Variants in FAT3 observed in about 807,000 individuals in gnomAD.
FAT3 encodes protocadherin Fat 3.
A neutral mutation model predicts 310.2 loss-of-function variants in FAT3; 95 were observed. The observed-to-expected ratio is 0.31, with a 90% CI of 0.26 to 0.36. The LOEUF (loss-of-function observed/expected upper bound fraction) is 0.36, where lower values mean the gene tolerates loss of function less well. Ranked by LOEUF, FAT3 falls within the 10% of genes least tolerant of loss-of-function variation. The pLI, the probability that FAT3 is intolerant of heterozygous loss-of-function variation, is 1.00. For missense variants in FAT3, 5,408 were observed against 5,715.6 expected (o/e 0.95, Z 1.74); for synonymous variants, 2,314 against 2,192.9 (o/e 1.06, Z -1.54).
chr11:92,803,658 G>A (rs185952026), intron 10 of FAT3, among the ~76,000 whole-genome samples: 51 of 152,252 alleles, frequency 3.3e-4, no homozygotes, highest in African/African-American at 1.2e-3. Flanking sequence ...AGGATGTGTG[G>A]CAGCATCCCT....
At chr11:92,371,576 G>A (rs1229646284) in intron 2 of FAT3, among the ~76,000 whole-genome samples, 5 of 152,182 alleles carry the variant, frequency 3.3e-5, no homozygotes, top group African/African-American at 1.2e-4. Context: ...AATCAGCCGA[G>A]TGTGGTGGCG....
intron 2 of FAT3, among the ~76,000 whole-genome samples, chr11:92,496,730 C>T (rs989754265): frequency 1.3e-5 from 2 of 151,950 alleles, no homozygotes; most frequent in African/African-American, 2.4e-5. Context: ...AGGAATGATG[C>T]CTGCAGCCCC....
chr11:92,692,168 C>T (rs1449620592), intron 3 of FAT3, among the ~76,000 whole-genome samples: 1 of 152,104 alleles, frequency 6.6e-6, no homozygotes, highest in Non-Finnish European at 1.5e-5. Flanking sequence ...CTCCAAAAAA[C>T]AGGAAAACAT....
At chr11:92,454,702 A>G (rs1951451984) in intron 2 of FAT3, among the ~76,000 whole-genome samples, 1 of 152,178 alleles carries the variant, frequency 6.6e-6, no homozygotes, top group Non-Finnish European at 1.5e-5. Context: ...TGGCTGAAAA[A>G]TATTGAGACT....
chr11:92,376,787 C>T (rs1949359817), intron 2 of FAT3, among the ~76,000 whole-genome samples: 1 of 152,092 alleles, frequency 6.6e-6, no homozygotes, highest in Non-Finnish European at 1.5e-5. Flanking sequence ...CTGAGTTGCT[C>T]AGATTTGGCA....
At position 92,311,507 on chromosome 11, in the gene FAT3, G is replaced by A. The variant is rs188441752; in HGVS notation, c.-17-40589G>A. Among the ~76,000 whole-genome samples the A allele has an allele frequency of 1.8e-4, 27 of 152,228 alleles. 1 individual carries two copies. The East Asian group carries it at 4.1e-3, about 23-fold the overall frequency. ...TAAGTCACCTTATTTTATTTATTACGTTATAGAATTTGCTCCAAAGAGCAT... is the reference window on the plus strand; with the variant it reads ...TAAGTCACCTTATTTTATTTATTACATTATAGAATTTGCTCCAAAGAGCAT... On this transcript the variant is annotated intron_variant, in intron 1 of 27. Transcript: ENST00000525166.
At position 92,353,222 on chromosome 11, in the gene FAT3, C is replaced by T; in HGVS notation, c.1110C>T (p.Asp370=). 6.2e-7 allele frequency: 1 copy of T among 1,613,784 alleles called. No homozygotes were observed. Among genetic ancestry groups the T allele is most frequent in the Non-Finnish European group, 8.5e-7 (1 of 1,179,870 alleles). Residue 370 remains aspartate, a synonymous_variant, in exon 2 of 28, where the codon GAC becomes GAT. Coordinates refer to ENST00000525166, the MANE Select transcript of FAT3 (RefSeq NM_001367949.2). ...TCTACATTGGCAACCCCACAAGAGACACTGTCCCCATTAGATTTGAAAAAG... is the reference window on the plus strand; with the variant it reads ...TCTACATTGGCAACCCCACAAGAGATACTGTCCCCATTAGATTTGAAAAAG... The part of the protein sequence containing the change: ...KAVYIGNPTR[D]TVPIRFEKEV...
chr11:92,507,480 T>G (rs910992424), intron 2 of FAT3, among the ~76,000 whole-genome samples: 4 of 151,704 alleles, frequency 2.6e-5, no homozygotes, highest in East Asian at 1.9e-4. Context: ...TGTGTGGGGG[T>G]GTGTGTATAT....
At chr11:92,865,033 C>T (rs555198372) in intron 21 of FAT3, among the ~76,000 whole-genome samples, 1 of 152,172 alleles carries the variant, frequency 6.6e-6, no homozygotes, top group Non-Finnish European at 1.5e-5. Context: ...CCCAGAGGGG[C>T]CAGACCATTC....
chr11:92,352,295 C>A lies in FAT3; in HGVS notation c.183C>A (p.Tyr61Ter), dbSNP rs571950614. 6.7e-7 allele frequency: 1 copy of A among 1,497,630 alleles called. No homozygotes were observed. 92.8% of individuals were successfully genotyped at this position (1,497,630 alleles called of 1,614,324 possible). The change falls in exon 2 of 28, where the codon TAC becomes TAA. Residue 61 changes from tyrosine (Y) to a stop codon, truncating the protein, a stop_gained. Coordinates refer to ENST00000525166, the MANE Select transcript of FAT3 (RefSeq NM_001367949.2). LOFTEE classifies it high-confidence loss of function. Reference protein sequence around the residue: ...TVYENSAARTYVNSQSRMGIT... With the variant: ...TVYENSAART ...ATGAGAACTCAGCAGCAAGGACCTA[C>A]GTCAACAGCCAGAGTAGAATGGGCA...
intron 9 of FAT3, among the ~76,000 whole-genome samples, chr11:92,797,598 A>G (rs1947209139): frequency 6.6e-6 from 1 of 152,156 alleles, no homozygotes; most frequent in Non-Finnish European, 1.5e-5. Flanking sequence ...TGTGTTTTTA[A>G]CCTGGATCTA....
At chr11:92,284,904 C>G (rs1946520653) in intron 1 of FAT3, among the ~76,000 whole-genome samples, 1 of 152,056 alleles carries the variant, frequency 6.6e-6, no homozygotes, top group South Asian at 2.1e-4. Flanking sequence ...GAAATATAGC[C>G]AAAGATACTA....
At chr11:92,562,970 A>C (rs1272512725) in intron 3 of FAT3, among the ~76,000 whole-genome samples, 1 of 152,206 alleles carries the variant, frequency 6.6e-6, no homozygotes, top group African/African-American at 2.4e-5. Context: ...CTATCTGGGC[A>C]CCCTTTAGCC....
intron 1 of FAT3, among the ~76,000 whole-genome samples, chr11:92,338,052 G>C (rs1948139947): frequency 6.6e-6 from 1 of 152,092 alleles, no homozygotes; most frequent in South Asian, 2.1e-4. Flanking sequence ...TGAACTCCTT[G>C]GGTGGAATAG....
At chr11:92,773,198 A>G (rs1946502089) in intron 6 of FAT3, among the ~76,000 whole-genome samples, 1 of 152,210 alleles carries the variant, frequency 6.6e-6, no homozygotes, top group Non-Finnish European at 1.5e-5. Flanking sequence ...TGGTTCCCAG[A>G]GGTAGAAACA....
chr11:92,785,522 A>G (rs1946867416), intron 7 of FAT3, among the ~76,000 whole-genome samples: 2 of 152,190 alleles, frequency 1.3e-5, no homozygotes, highest in Admixed American at 1.3e-4. Context: ...TAGGAAAATA[A>G]CAGGTTAAAA....
At chr11:92,372,465 A>T (rs1209950689) in intron 2 of FAT3, among the ~76,000 whole-genome samples, 1 of 151,884 alleles carries the variant, frequency 6.6e-6, no homozygotes, top group African/African-American at 2.4e-5. Flanking sequence ...AAAACAAAAC[A>T]AAGCCCATAA....
intron 13 of FAT3, among the ~76,000 whole-genome samples, chr11:92,812,208 A>G (rs954816035): frequency 6.6e-6 from 1 of 152,180 alleles, no homozygotes; most frequent in Non-Finnish European, 1.5e-5. Context: ...GCTGTGCACT[A>G]AGATTACCAG....
At chr11:92,281,551 A>G (rs1025684074) in intron 1 of FAT3, among the ~76,000 whole-genome samples, 1 of 152,108 alleles carries the variant, frequency 6.6e-6, no homozygotes, top group South Asian at 2.1e-4. Context: ...CTGAATGCCA[A>G]TCACTGACTC....
Sources: gnomAD v4.1 joint callset for allele counts (sites outside exome capture counted in the v4.1 genomes callset) on GRCh38, gnomAD v4.1.1 for gene constraint, MANE v1.5 for transcripts, NCBI Gene and HGNC (gene_info 2026-07-23, HGNC 2026-07-21) for gene names.